The following AKIP1 variants were observed in gnomAD, a reference collection of about 807,000 sequenced individuals.
AKIP1 encodes A-kinase interacting protein 1, also known as A-kinase-interacting protein 1.
Under a neutral mutation model 22.3 loss-of-function variants are expected in AKIP1, and 18 were observed. The ratio of observed to expected loss-of-function variants is 0.81; its 90% CI spans 0.56 to 1.19. The LOEUF (loss-of-function observed/expected upper bound fraction) is 1.19, where lower values mean the gene tolerates loss of function less well. AKIP1 is among the 50% of genes most tolerant of loss of function. AKIP1 has a pLI of 0.00. For synonymous variants in AKIP1, 120 were observed against 102.7 expected (o/e 1.17, Z -1.02); for missense variants, 287 against 264.6 (o/e 1.08, Z -0.59).
At chr11:8,919,260 C>T in intron 5 of AKIP1, 77 bp from the exon 6 acceptor site, 2 of 1,422,938 alleles carry the variant, frequency 1.4e-6, no homozygotes, top group South Asian at 1.3e-5. Context: ...TCTGCAAGGA[C>T]AGGTAGCCTG....
chr11:8,915,074 T>C, intron 4 of AKIP1, 144 bp downstream of exon 4: 3 of 592,446 alleles, frequency 5.1e-6, no homozygotes, highest in East Asian at 5.5e-5. Flanking sequence ...TGTAAATTCA[T>C]AGCCTTAGAG....
intron 4 of AKIP1, among the ~76,000 whole-genome samples, chr11:8,915,366 T>C (rs566188561): frequency 2.1e-4 from 28 of 134,700 alleles, no homozygotes; most frequent in African/African-American, 3.5e-4. Flanking sequence ...TTCTTTTTTT[T>C]TTTTTTTTTT....
rs1458835393 is a variant in AKIP1 at position 8,911,235 on chromosome 11, C to T, written c.-7+12C>T. 3 of 571,602 alleles carry T rather than the reference C, an allele frequency of 5.2e-6. No individual in the cohort carries two copies. The highest frequency in any genetic ancestry group is 3.8e-5 in the African/African-American group (2 of 53,022). The allele number at this position is 571,602 out of a possible 1,614,324, so 35.4% of individuals were successfully genotyped here. ...GACGAGTGAGCCGGGTGAGGGGGCT[C>T]CCTAAGTAGCGGAAGGGGTAGATGA... On this transcript the variant is annotated intron_variant, in intron 1 of 5. Transcript: ENST00000309377.
At chr11:8,915,204 A>G (rs962129246) in intron 4 of AKIP1, among the ~76,000 whole-genome samples, 1 of 152,138 alleles carries the variant, frequency 6.6e-6, no homozygotes, top group Non-Finnish European at 1.5e-5. Flanking sequence ...GTTTAAAGAA[A>G]AGAGCTTCCA....
At position 8,919,694 on chromosome 11, in the gene AKIP1, T is replaced by C; in HGVS notation, c.*214T>C. ...CTCTGTTGCCCAGGCTGGAGTGCAGTGGCGTGATCTCGGCTCACTGCAAGT... is the reference window on the plus strand; with the variant it reads ...CTCTGTTGCCCAGGCTGGAGTGCAGCGGCGTGATCTCGGCTCACTGCAAGT... On this transcript the variant is annotated 3_prime_UTR_variant, in exon 6 of 6. Transcript: ENST00000309377. 1 of 476,620 alleles carries C rather than the reference T, an allele frequency of 2.1e-6. No homozygotes were observed. The highest frequency in any genetic ancestry group is 2.8e-5 in the South Asian group (1 of 35,218). 29.5% of individuals were successfully genotyped at this position (476,620 alleles called of 1,614,324 possible). A position where few individuals can be genotyped will look rare whatever the true frequency, so the allele number is the denominator to read the frequency against.
chr11:8,912,103 A>G (rs1330524104), intron 2 of AKIP1, among the ~76,000 whole-genome samples: 4 of 133,880 alleles, frequency 3.0e-5, no homozygotes, highest in Non-Finnish European at 5.1e-5. Context: ...AGGCTGAGGC[A>G]GGAGAATCGC....
In AKIP1 at chr11:8,911,567, C is replaced by T; in HGVS notation, c.118C>T (p.His40Tyr). The change falls in exon 2 of 6, where the codon CAT becomes TAT. Residue 40 changes from histidine (H) to tyrosine (Y), a missense_variant. By Grantham distance (83) the His-to-Tyr change is moderately conservative (BLOSUM62 2). Transcript: ENST00000309377. ...ERAKRRAVDWHALERPKGCMG... is the reference protein window; with the variant it reads ...ERAKRRAVDWYALERPKGCMG... ...GGCCAAGAGGAGGGCGGTGGACTGGCATGCCCTGGAGCGTCCCAAAGGCTG... is the reference window on the plus strand; with the variant it reads ...GGCCAAGAGGAGGGCGGTGGACTGGTATGCCCTGGAGCGTCCCAAAGGCTG... 2.5e-6 allele frequency: 4 copies of T among 1,611,498 alleles called. No individual in the cohort carries two copies. The highest frequency in any genetic ancestry group is 3.4e-6 in the Non-Finnish European group (4 of 1,179,212).
chr11:8,917,619 A>G, intron 5 of AKIP1: 1 of 531,622 alleles, frequency 1.9e-6, no homozygotes, highest in Middle Eastern at 4.5e-4. Flanking sequence ...AAGAATGTGA[A>G]GTATTCACCT....
chr11:8,913,880 G>A (rs1266737383), intron 3 of AKIP1, among the ~76,000 whole-genome samples: 8 of 152,178 alleles, frequency 5.3e-5, no homozygotes, highest in Non-Finnish European at 1.0e-4. Context: ...TAAACCCTTG[G>A]TTCATGGTTC....
At chr11:8,917,698 A>G (rs1051305679) in intron 5 of AKIP1, 9 of 424,936 alleles carry the variant, frequency 2.1e-5, no homozygotes, top group Non-Finnish European at 3.8e-5. Flanking sequence ...TTCAAGCAGC[A>G]GGAGGGGCAC....
intron 4 of AKIP1, among the ~76,000 whole-genome samples, chr11:8,915,364 T>C (rs1222682987): frequency 1.0e-4 from 14 of 133,730 alleles, no homozygotes; most frequent in African/African-American, 3.2e-4. Context: ...TTTTCTTTTT[T>C]TTTTTTTTTT....
In AKIP1 at chr11:8,911,297, C is replaced by T. The variant is rs185296496; in HGVS notation, c.-7+74C>T. 2,433 of 693,056 alleles carry T rather than the reference C, an allele frequency of 3.5e-3. 24 individuals carry two copies. Among genetic ancestry groups the T allele is most frequent in the African/African-American group, 0.026 (1,418 of 55,562 alleles). 42.9% of individuals were successfully genotyped at this position (693,056 alleles called of 1,614,324 possible). ...GCGGGCGCGCTAGGCCTAGTCCTGG[C>T]TGGGCTCCCGCTGGAGTGTGCGTTG... On this transcript the variant is annotated intron_variant, in intron 1 of 5. Coordinates refer to ENST00000309377, the MANE Select transcript of AKIP1 (RefSeq NM_020642.4).
intron 2 of AKIP1, among the ~76,000 whole-genome samples, chr11:8,912,162 A>G (rs1388435349): frequency 7.0e-6 from 1 of 142,702 alleles, no homozygotes; most frequent in Non-Finnish European, 1.5e-5. Context: ...GCGCCATTGC[A>G]CTCCAGCCTG....
intron 2 of AKIP1, 53 bp from the exon 3 acceptor site, chr11:8,912,400 T>G (rs1328963935): frequency 6.8e-7 from 1 of 1,480,106 alleles, no homozygotes; most frequent in African/African-American, 1.4e-5. Flanking sequence ...ATGGCTTCAT[T>G]CTCCAGTAGG....
At position 8,911,568 on chromosome 11, in the gene AKIP1, A is replaced by G. The variant is rs759469180; in HGVS notation, c.119A>G (p.His40Arg). 13 of 1,611,630 alleles carry G rather than the reference A, an allele frequency of 8.1e-6. No homozygotes were observed. The highest frequency in any genetic ancestry group is 9.3e-6 in the Non-Finnish European group (11 of 1,179,278). Residue 40 changes from histidine to arginine, a missense_variant, in exon 2 of 6, where the codon CAT becomes CGT. Physicochemically the swap from His to Arg is conservative, Grantham distance 29 (BLOSUM62 0). Transcript: ENST00000309377. The part of the protein sequence containing the change: ...ERAKRRAVDW[H>R]ALERPKGCMG... Reference sequence around the variant, plus strand: ...GCCAAGAGGAGGGCGGTGGACTGGCATGCCCTGGAGCGTCCCAAAGGCTGC... The same window carrying G: ...GCCAAGAGGAGGGCGGTGGACTGGCGTGCCCTGGAGCGTCCCAAAGGCTGC...
chr11:8,911,530 A>G lies in AKIP1; in HGVS notation c.81A>G (p.Glu27=). ...SLQRSARLAL[E]VLERAKRRAV... ...AGCGTTCAGCAAGGCTGGCTCTAGA[A>G]GTGCTGGAGAGGGCCAAGAGGAGGG... The change falls in exon 2 of 6, where the codon GAA becomes GAG. Residue 27 remains glutamate (E), a synonymous_variant. Transcript: ENST00000309377. The G allele has an allele frequency of 6.2e-7, 1 of 1,610,404 alleles. No individual in the cohort carries two copies. Among genetic ancestry groups the G allele is most frequent in the South Asian group, 1.1e-5 (1 of 89,930 alleles).
At chr11:8,917,460 T>G (rs765259643) in intron 5 of AKIP1, 93 bp downstream of exon 5, 2 of 968,506 alleles carry the variant, frequency 2.1e-6, no homozygotes, top group Non-Finnish European at 3.3e-6. Context: ...TTGAATTGAG[T>G]CTATAGTATT....
intron 4 of AKIP1, 128 bp from the exon 5 acceptor site, chr11:8,917,159 A>T (rs2064497968): frequency 6.8e-6 from 4 of 588,298 alleles, no homozygotes; most frequent in Admixed American, 3.1e-5. Flanking sequence ...TGCCTTAATG[A>T]CTTAGATGAC....
At chr11:8,915,297 AT>A (rs58339059) in intron 4 of AKIP1, among the ~76,000 whole-genome samples, 4 of 144,854 alleles carry the variant, frequency 2.8e-5, no homozygotes, top group African/African-American at 1.0e-4. Flanking sequence ...CCTTTCTCTA[AT>A]TTTTTTTTAA....
Sources: allele counts gnomAD v4.1 joint callset (sites outside exome capture counted in the v4.1 genomes callset), GRCh38; gene constraint gnomAD v4.1.1; transcripts MANE v1.5; gene names NCBI Gene and HGNC (gene_info 2026-07-23, HGNC 2026-07-21).